Variants in POM121 observed in about 807,000 individuals in gnomAD.
POM121 encodes nuclear envelope pore membrane protein POM 121.
POM121 carries 32 observed loss-of-function variants against 81.3 expected under a neutral mutation model. That is an observed-to-expected ratio of 0.39 (90% CI 0.30 to 0.53). The LOEUF (loss-of-function observed/expected upper bound fraction) is 0.53, where lower values mean the gene tolerates loss of function less well. Ranked by LOEUF, POM121 falls within the 20% of genes least tolerant of loss-of-function variation. The pLI is 0.66. For synonymous variants in POM121, 514 were observed against 694.2 expected (o/e 0.74, Z 4.08); for missense variants, 1,138 against 1,614.6 (o/e 0.70, Z 5.06).
intron 3 of POM121, among the ~76,000 whole-genome samples, chr7:72,903,359 C>A (rs1792903572): frequency 6.6e-6 from 1 of 152,136 alleles, no homozygotes; most frequent in African/African-American, 2.4e-5. Context: ...ACTGCTTGAA[C>A]CAGGGAGGTA....
chr7:72,929,225 A>G (rs782629560), intron 4 of POM121, among the ~76,000 whole-genome samples: 3 of 152,176 alleles, frequency 2.0e-5, no homozygotes, highest in African/African-American at 2.4e-5. Context: ...GGGAAGGACA[A>G]TGGTCTCCAA....
At chr7:72,882,989 C>G (rs1383027026) in intron 1 of POM121, among the ~76,000 whole-genome samples, 6 of 152,024 alleles carry the variant, frequency 3.9e-5, no homozygotes, top group African/African-American at 1.4e-4. Context: ...TAAAAAGATT[C>G]ATCTGTAAGT....
At chr7:72,935,406 C>T (rs1554499281) in intron 5 of POM121, among the ~76,000 whole-genome samples, 1 of 152,212 alleles carries the variant, frequency 6.6e-6, no homozygotes, top group African/African-American at 2.4e-5. Context: ...AACTCCTGAG[C>T]TCAAGCAATC....
chr7:72,937,003 TC>T, intron 5 of POM121, among the ~76,000 whole-genome samples: 1 of 151,934 alleles, frequency 6.6e-6, no homozygotes, highest in Middle Eastern at 3.4e-3. Context: ...ACGCCTGTAA[TC>T]CCAGCACTTT....
rs112174498 is a variant in POM121 at position 72,938,658 on chromosome 7, G to A, written c.1344G>A (p.Pro448=). 50,147 of 1,613,652 alleles carry A rather than the reference G, an allele frequency of 0.031. 1,084 individuals carry two copies. Among genetic ancestry groups the A allele is most frequent in the Non-Finnish European group, 0.036 (42,294 of 1,179,674 alleles). ...SSPASSRSQT[P]ERPAKKIREE... ...CAGCCTCCTCCCGCTCCCAGACACC[G>A]GAGAGGCCAGCAAAGAAAATAAGGT... Residue 448 remains proline, a synonymous_variant, in exon 6 of 13, where the codon CCG becomes CCA. Transcript: ENST00000434423.
chr7:72,904,158 A>C (rs1434703565), intron 3 of POM121, among the ~76,000 whole-genome samples: 12 of 152,182 alleles, frequency 7.9e-5, no homozygotes, highest in Admixed American at 2.0e-4. Context: ...GGGAGGATGG[A>C]GAGGAGCCAC....
chr7:72,899,533 C>T (rs1448178482), intron 3 of POM121, among the ~76,000 whole-genome samples: 1 of 151,902 alleles, frequency 6.6e-6, no homozygotes, highest in Non-Finnish European at 1.5e-5. Flanking sequence ...GAGCATTCAC[C>T]CGGTCACCAT....
chr7:72,945,667 C>A lies in POM121; in HGVS notation c.3611C>A (p.Ser1204Tyr). ...TSGSSLSFGA[S>Y]SAPAQGFVGV... Reference sequence around the variant, plus strand: ...GGCAGCAGCCTCTCCTTTGGGGCATCCTCAGCACCCGCCCAAGGCTTTGTT... The same window carrying A: ...GGCAGCAGCCTCTCCTTTGGGGCATACTCAGCACCCGCCCAAGGCTTTGTT... The change falls in exon 12 of 13, where the codon TCC (serine) becomes TAC (tyrosine). Residue 1204 changes from serine (S) to tyrosine (Y), a missense_variant. Coordinates refer to ENST00000434423, the MANE Select transcript of POM121 (RefSeq NM_001387691.1). 1 of 1,612,640 alleles carries A rather than the reference C, an allele frequency of 6.2e-7. No homozygotes were observed. The highest frequency in any genetic ancestry group is 8.5e-7 in the Non-Finnish European group (1 of 1,179,214).
At chr7:72,888,751 T>C (rs1790997807) in intron 1 of POM121, among the ~76,000 whole-genome samples, 1 of 152,144 alleles carries the variant, frequency 6.6e-6, no homozygotes, top group Non-Finnish European at 1.5e-5. Context: ...GAAATACATA[T>C]GTCACATATC....
chr7:72,898,915 G>C (rs1221306594), intron 3 of POM121, among the ~76,000 whole-genome samples: 1 of 151,302 alleles, frequency 6.6e-6, no homozygotes, highest in Non-Finnish European at 1.5e-5. Flanking sequence ...TGGCGAGGGT[G>C]AGTTCTTTGA....
At position 72,925,567 on chromosome 7, in the gene POM121, C is replaced by T. The variant is rs1554497083; in HGVS notation, c.446C>T (p.Pro149Leu). Residue 149 changes from proline to leucine, a missense_variant, in exon 1 of 13, where the codon CCC (proline) becomes CTC (leucine). Pro to Leu is a moderately conservative substitution (Grantham distance 98). Around this residue, in one of 7 missense-constraint regions of POM121, gnomAD observed 646 missense variants for 633.5 expected, o/e 1.02. Transcript: ENST00000434423. ...SYLGKPGPPQPAAAPEGQDLR... is the reference protein window; with the variant it reads ...SYLGKPGPPQLAAAPEGQDLR... ...CTGGGCAAGCCCGGGCCGCCGCAGCCCGCCGCCGCTCCGGAGGGCCAGGAC... is the reference window on the plus strand; with the variant it reads ...CTGGGCAAGCCCGGGCCGCCGCAGCTCGCCGCCGCTCCGGAGGGCCAGGAC... 3.9e-6 allele frequency: 6 copies of T among 1,531,754 alleles called. No homozygotes were observed. Among genetic ancestry groups the T allele is most frequent in the African/African-American group, 2.8e-5 (2 of 72,724 alleles). The allele number at this position is 1,531,754 out of a possible 1,614,324, so 94.9% of individuals were successfully genotyped here.
chr7:72,923,764 TA>T (rs1795067543), upstream of POM121, among the ~76,000 whole-genome samples: 1 of 150,146 alleles, frequency 6.7e-6, no homozygotes, highest in Non-Finnish European at 1.5e-5. Flanking sequence ...TACGCCCGGC[TA>T]ATTTTTTGTA....
chr7:72,919,857 C>A (rs1284399758), intron 4 of POM121, among the ~76,000 whole-genome samples: 1 of 152,174 alleles, frequency 6.6e-6, no homozygotes, highest in African/African-American at 2.4e-5. Flanking sequence ...CTTTAAAGAT[C>A]AAGTTGCACT....
At chr7:72,891,721 C>G (rs1305444073) in intron 3 of POM121, among the ~76,000 whole-genome samples, 1 of 152,158 alleles carries the variant, frequency 6.6e-6, no homozygotes, top group Admixed American at 6.6e-5. Flanking sequence ...AGAATTGTTT[C>G]ATTCTGGGGC....
Position 72,948,041 on chromosome 7 carries a change from T to A in POM121, c.*1807T>A. 1 of 1,217,308 alleles carries A rather than the reference T, an allele frequency of 8.2e-7. No homozygotes were observed. The highest frequency in any genetic ancestry group is 1.0e-6 in the Non-Finnish European group (1 of 969,082). 75.4% of individuals were successfully genotyped at this position (1,217,308 alleles called of 1,614,324 possible). Reference sequence around the variant, plus strand: ...AGCAATCAAGCTTCTACCTGTACCTTATGTAAGGTAGACCCTCCTAGTGTC... The same window carrying A: ...AGCAATCAAGCTTCTACCTGTACCTAATGTAAGGTAGACCCTCCTAGTGTC... On this transcript the variant is annotated 3_prime_UTR_variant, in exon 13 of 13. Coordinates refer to ENST00000434423, the MANE Select transcript of POM121 (RefSeq NM_001387691.1).
rs1306528995 is a variant in POM121 at position 72,946,649 on chromosome 7, G to A, written c.*415G>A. On this transcript the variant is annotated 3_prime_UTR_variant, in exon 13 of 13. Transcript: ENST00000434423. ...GTGGTGTGCACCTGATGGGATTTGGGAAATGGGCTATCCGTAAAGCTTTAT... is the reference window on the plus strand; with the variant it reads ...GTGGTGTGCACCTGATGGGATTTGGAAAATGGGCTATCCGTAAAGCTTTAT... The A allele has an allele frequency of 2.0e-6, 2 of 995,454 alleles. No individual in the cohort carries two copies. The highest frequency in any genetic ancestry group is 3.5e-5 in the African/African-American group (2 of 56,880). The allele number at this position is 995,454 out of a possible 1,614,324, so 61.7% of individuals were successfully genotyped here.
chr7:72,910,415 G>C (rs1380847898), intron 3 of POM121, among the ~76,000 whole-genome samples: 1 of 152,140 alleles, frequency 6.6e-6, no homozygotes, highest in Admixed American at 6.6e-5. Flanking sequence ...AATATTCTGC[G>C]GTGGGTGGGA....
intron 1 of POM121, among the ~76,000 whole-genome samples, chr7:72,888,941 G>T (rs1191337850): frequency 6.6e-6 from 1 of 151,850 alleles, no homozygotes; most frequent in Non-Finnish European, 1.5e-5. Context: ...CTGTGTTATA[G>T]TGGCTTATCA....
Position 72,926,387 on chromosome 7 carries a change from C to T in POM121, c.770C>T (p.Ala257Val), listed in dbSNP as rs782680852. 17 of 1,613,884 alleles carry T rather than the reference C, an allele frequency of 1.1e-5. No individual in the cohort carries two copies. Among genetic ancestry groups the T allele is most frequent in the Non-Finnish European group, 1.4e-5 (16 of 1,179,886 alleles). Reference protein sequence around the residue: ...TVCWNGYHKKAVLSPRNSRMV... With the variant: ...TVCWNGYHKKVVLSPRNSRMV... ...TGCTGGAATGGTTATCACAAGAAGGCTGTGCTGTCCCCTCGCAACTCCAGG... is the reference window on the plus strand; with the variant it reads ...TGCTGGAATGGTTATCACAAGAAGGTTGTGCTGTCCCCTCGCAACTCCAGG... Residue 257 changes from alanine (A) to valine (V), a missense_variant, in exon 2 of 13, where the codon GCT becomes GTT. This residue lies in a region of POM121 where 646 missense variants were observed against 633.5 expected (regional missense o/e 1.02). Coordinates refer to ENST00000434423, the MANE Select transcript of POM121 (RefSeq NM_001387691.1).
Sources: gnomAD v4.1 joint callset for allele counts (sites outside exome capture counted in the v4.1 genomes callset) on GRCh38, gnomAD v4.1.1 for gene constraint, gnomAD v4.1.1 regional missense constraint, MANE v1.5 for transcripts, NCBI Gene and HGNC (gene_info 2026-07-23, HGNC 2026-07-21) for gene names.